The following EGFR variants were observed in gnomAD, a reference collection of about 807,000 sequenced individuals.
EGFR encodes avian erythroblastic leukemia viral (v-erb-b) oncogene homolog.
EGFR carries 58 observed loss-of-function variants against 143.0 expected under a neutral mutation model. The ratio of observed to expected loss-of-function variants is 0.41; its 90% CI spans 0.33 to 0.50. The LOEUF is 0.50. EGFR is among the 20% of genes least tolerant of loss of function. The pLI is 0.39. For missense variants in EGFR, 1,307 were observed against 1,579.0 expected, an observed-to-expected ratio of 0.83 and a Z score of 2.92; for synonymous variants, 613 against 594.4, an observed-to-expected ratio of 1.03 and a Z score of -0.45.
At chr7:55,084,424 G>A (rs1790640917) in intron 1 of EGFR, among the ~76,000 whole-genome samples, 1 of 152,146 alleles carries the variant, frequency 6.6e-6, no homozygotes, top group African/African-American at 2.4e-5. Context: ...GCTTTTACCT[G>A]GTTAAGTCAG....
At chr7:55,186,440 T>G (rs771631186) in intron 20 of EGFR, among the ~76,000 whole-genome samples, 4 of 152,202 alleles carry the variant, frequency 2.6e-5, no homozygotes, top group Non-Finnish European at 4.4e-5. Context: ...GACTCAGCCC[T>G]GCACCTCCTG....
intron 1 of EGFR, among the ~76,000 whole-genome samples, chr7:55,087,014 G>A (rs1454599868): frequency 6.6e-6 from 1 of 152,090 alleles, no homozygotes; most frequent in Non-Finnish European, 1.5e-5. Flanking sequence ...GTCATCCAGA[G>A]TTATAATGGC....
intron 1 of EGFR, among the ~76,000 whole-genome samples, chr7:55,040,983 TG>T (rs1258579235): frequency 6.6e-6 from 1 of 152,252 alleles, no homozygotes. Context: ...GACAACTTGA[TG>T]ATCTTTCCGC....
At chr7:55,152,802 G>A in intron 6 of EGFR, 138 bp downstream of exon 6, 1 of 697,756 alleles carries the variant, frequency 1.4e-6, no homozygotes, top group Non-Finnish European at 2.4e-6. Context: ...CCTCTGCCTG[G>A]TGACAAAGTA....
chr7:55,023,666 A>C (rs928311761), intron 1 of EGFR, among the ~76,000 whole-genome samples: 39 of 151,812 alleles, frequency 2.6e-4, no homozygotes, highest in Non-Finnish European at 5.0e-4. Flanking sequence ...AAAAAAAAAA[A>C]AAACAGATTC....
chr7:55,143,200 A>G lies in EGFR; in HGVS notation c.241-105A>G, dbSNP rs562128970. 14 of 1,170,270 alleles carry G rather than the reference A, an allele frequency of 1.2e-5. No homozygotes were observed. In the African/African-American group the frequency reaches 2.0e-4, roughly 16 times the overall value. 72.5% of individuals were successfully genotyped at this position (1,170,270 alleles called of 1,614,324 possible). A position where few individuals can be genotyped will look rare whatever the true frequency, so the allele number is the denominator to read the frequency against. On this transcript the variant is annotated intron_variant, in intron 2 of 27. Transcript: ENST00000275493. ...TTACAGTTGTTGAGCACTCGTGTGC[A>G]TTAGGGTTCAACTGGGCGTCCTAGG...
At chr7:55,200,183 C>A in intron 23 of EGFR, 133 bp from the exon 24 acceptor site, 3 of 889,688 alleles carry the variant, frequency 3.4e-6, no homozygotes, top group South Asian at 2.7e-5. Context: ...GAAAAGTCTA[C>A]CACAAAGACT....
intron 19 of EGFR, 131 bp downstream of exon 19, chr7:55,174,951 T>C (rs1231438011): frequency 1.7e-5 from 13 of 753,132 alleles, no homozygotes; most frequent in Non-Finnish European, 2.8e-5. Flanking sequence ...TCTATGTCTT[T>C]CCCTTTCTAG....
chr7:55,087,273 T>TTAAA (rs1562702232), intron 1 of EGFR, among the ~76,000 whole-genome samples: 1 of 102,116 alleles, frequency 9.8e-6, no homozygotes, highest in African/African-American at 4.0e-5. Context: ...TCTCAATTGT[T>TTAAA]AAAAAAAAAA....
At chr7:55,168,943 T>A (rs1425797874) in intron 15 of EGFR, among the ~76,000 whole-genome samples, 4 of 152,122 alleles carry the variant, frequency 2.6e-5, no homozygotes, top group African/African-American at 9.7e-5. Context: ...TTTCTATTGT[T>A]AAAGAAACAC....
chr7:55,029,706 C>T (rs1207290502), intron 1 of EGFR, among the ~76,000 whole-genome samples: 1 of 152,120 alleles, frequency 6.6e-6, no homozygotes, highest in African/African-American at 2.4e-5. Flanking sequence ...TAGTACGCGG[C>T]TTAACATATT....
In EGFR at chr7:55,173,107, C is replaced by A. The variant is rs1338409357; in HGVS notation, c.2044C>A (p.Leu682Met). Residue 682 changes from leucine to methionine, a missense_variant, in exon 17 of 28, where the codon CTG becomes ATG. By Grantham distance (15) the Leu-to-Met change is conservative. Coordinates refer to ENST00000275493, the MANE Select transcript of EGFR (RefSeq NM_005228.5). ...CGTTCGGAAGCGCACGCTGCGGAGGCTGCTGCAGGAGAGGGAGGTGAGTGC... is the reference window on the plus strand; with the variant it reads ...CGTTCGGAAGCGCACGCTGCGGAGGATGCTGCAGGAGAGGGAGGTGAGTGC... The part of the protein sequence containing the change: ...HIVRKRTLRR[L>M]LQERELVEPL... 6.2e-7 allele frequency: 1 copy of A among 1,611,306 alleles called. No homozygotes were observed. The highest frequency in any genetic ancestry group is 8.5e-7 in the Non-Finnish European group (1 of 1,179,992).
At chr7:55,150,625 G>A (rs150573689) in intron 4 of EGFR, among the ~76,000 whole-genome samples, 2 of 152,200 alleles carry the variant, frequency 1.3e-5, no homozygotes, top group African/African-American at 2.4e-5. Flanking sequence ...ATAGCACTTC[G>A]ACCTTCAGAC....
intron 1 of EGFR, among the ~76,000 whole-genome samples, chr7:55,079,967 C>A (rs1460076595): frequency 6.6e-6 from 1 of 152,202 alleles, no homozygotes; most frequent in Non-Finnish European, 1.5e-5. Context: ...CAACCTCTTA[C>A]CAGGCTCTTT....
At chr7:55,165,736 C>A (rs116012076) in intron 15 of EGFR, among the ~76,000 whole-genome samples, 1 of 152,204 alleles carries the variant, frequency 6.6e-6, no homozygotes, top group Non-Finnish European at 1.5e-5. Context: ...GCCACAGTCT[C>A]CAGGGGCTTT....
chr7:55,087,038 G>T (rs898787620), intron 1 of EGFR, among the ~76,000 whole-genome samples: 6 of 151,970 alleles, frequency 3.9e-5, no homozygotes, highest in African/African-American at 1.2e-4. Context: ...TTATCTACTG[G>T]TCAGAGTTTA....
At chr7:55,154,917 G>GA (rs11381480) in intron 7 of EGFR, among the ~76,000 whole-genome samples, 65,202 of 148,388 alleles carry the variant, frequency 0.44, 14,511 homozygotes, top group African/African-American at 0.54. Context: ...ATTCCGTATG[G>GA]AAAAAAAAAA....
At chr7:55,041,065 A>C (rs1787868056) in intron 1 of EGFR, among the ~76,000 whole-genome samples, 2 of 152,222 alleles carry the variant, frequency 1.3e-5, no homozygotes, top group Admixed American at 1.3e-4. Context: ...TCTCCTGTAA[A>C]TAAGTGCATT....
In EGFR at chr7:55,171,153, A is replaced by G. The variant is rs773836626; in HGVS notation, c.1881-22A>G. 3.7e-6 allele frequency: 6 copies of G among 1,614,062 alleles called. No individual in the cohort carries two copies. The Admixed American group carries it at 1.0e-4, about 27-fold the overall frequency. ...AAGAAGTAGAATGAGAAAAATGTAT[A>G]TTTCTCTTTCACTTCCTACAGATGC... On this transcript the variant is annotated intron_variant, in intron 15 of 27. Coordinates refer to ENST00000275493, the MANE Select transcript of EGFR (RefSeq NM_005228.5).
Sources: gnomAD v4.1 joint callset for allele counts (sites outside exome capture counted in the v4.1 genomes callset) on GRCh38, gnomAD v4.1.1 for gene constraint, MANE v1.5 for transcripts, NCBI Gene and HGNC (gene_info 2026-07-23, HGNC 2026-07-21) for gene names.